PYGO1: variants seen among roughly 807,000 people sequenced by gnomAD.
PYGO1 encodes the protein pygopus family PHD finger 1, also known as pygopus homolog 1.
Under a neutral mutation model 29.5 loss-of-function variants are expected in PYGO1, and 6 were observed. That is an observed-to-expected ratio of 0.20 (90% confidence interval 0.11 to 0.40). The LOEUF is 0.40. Among genes scored for constraint, PYGO1 ranks in the 10% least tolerant of loss-of-function variants. The pLI, the probability that PYGO1 is intolerant of heterozygous loss-of-function variation, is 1.00. For missense variants in PYGO1, 515 were observed against 514.9 expected, an observed-to-expected ratio of 1.00 and a Z score of 0.00; for synonymous variants, 186 against 180.5, an observed-to-expected ratio of 1.03 and a Z score of -0.24.
intron 1 of PYGO1, among the ~76,000 whole-genome samples, chr15:55,584,468 A>G (rs2059038607): frequency 6.6e-6 from 1 of 152,186 alleles, no homozygotes; most frequent in African/African-American, 2.4e-5. Context: ...TGCTCTATAA[A>G]TATTTGTTGA....
At chr15:55,550,395 C>T (rs2058873664) in intron 1 of PYGO1, among the ~76,000 whole-genome samples, 1 of 152,190 alleles carries the variant, frequency 6.6e-6, no homozygotes, top group South Asian at 2.1e-4. Context: ...ATTTCTGCCC[C>T]TCCTGTCTGC....
intron 1 of PYGO1, among the ~76,000 whole-genome samples, chr15:55,573,838 A>G (rs1449592740): frequency 2.0e-5 from 3 of 152,234 alleles, no homozygotes; most frequent in Admixed American, 2.0e-4. Flanking sequence ...TGTTCTTACA[A>G]TAAAGTAGGC....
Position 55,546,606 on chromosome 15 carries a change from G to T in PYGO1, c.677C>A (p.Pro226Gln), listed in dbSNP as rs750231673. The T allele has an allele frequency of 9.9e-6, 16 of 1,613,688 alleles. No homozygotes were observed. The highest frequency in any genetic ancestry group is 1.4e-5 in the Non-Finnish European group (16 of 1,179,890). Reference protein sequence around the residue: ...LESNHSFIPPPNTFGQAKAPP... With the variant: ...LESNHSFIPPQNTFGQAKAPP... The stretch of plus-strand genomic sequence containing the variant: ...TGCTTTTGCTTGACCAAAAGTGTTT[G>T]GGGGAGGAATAAAAGAATGATTAGA... The change falls in exon 3 of 3, where the codon CCA (proline) becomes CAA (glutamine). Residue 226 changes from proline (P) to glutamine (Q), a missense_variant. Pro to Gln is a moderately conservative substitution (Grantham distance 76, BLOSUM62 -1). Coordinates refer to ENST00000563719, the MANE Select transcript of PYGO1 (RefSeq NM_001367806.1).
intron 1 of PYGO1, among the ~76,000 whole-genome samples, chr15:55,568,298 GTTAAGACGTATTTCC>G (rs780037359): frequency 5.4e-4 from 78 of 143,748 alleles, no homozygotes; most frequent in Middle Eastern, 3.8e-3. Context: ...CACCTCAATG[GTTAAGACGTATTTCC>G]TAGGTACTGT....
rs1186782516 is a variant in PYGO1 at position 55,539,306 on chromosome 15, G to C, written c.*6717C>G. 6.6e-6 allele frequency: 1 copy of C among 152,028 alleles called. No homozygotes were observed. The highest frequency in any genetic ancestry group is 2.4e-5 in the African/African-American group (1 of 41,414). 9.4% of individuals were successfully genotyped at this position (152,028 alleles called of 1,614,324 possible). A position where few individuals can be genotyped will look rare whatever the true frequency, so the allele number is the denominator to read the frequency against. On this transcript the variant is annotated 3_prime_UTR_variant, in exon 3 of 3. Coordinates refer to ENST00000563719, the MANE Select transcript of PYGO1 (RefSeq NM_001367806.1). ...CCATTATTTAAGTAGTTACTATGAA[G>C]TAATTCAGAATTGAGAATGTATTTA...
chr15:55,576,722 C>T (rs1433056379), intron 1 of PYGO1, among the ~76,000 whole-genome samples: 2 of 130,810 alleles, frequency 1.5e-5, no homozygotes, highest in African/African-American at 6.4e-5. Flanking sequence ...AGTGAGCCGC[C>T]GAGATTGTGC....
chr15:55,565,482 CT>C (rs1160897313), intron 1 of PYGO1, among the ~76,000 whole-genome samples: 1 of 151,850 alleles, frequency 6.6e-6, no homozygotes, highest in African/African-American at 2.4e-5. Context: ...GGCGGGCAGA[CT>C]ACCTGAGGTC....
chr15:55,586,490 G>C (rs542335220), intron 1 of PYGO1, among the ~76,000 whole-genome samples: 1 of 152,280 alleles, frequency 6.6e-6, no homozygotes, highest in Admixed American at 6.5e-5. Flanking sequence ...CTATTAAAAT[G>C]CTATAATTTA....
chr15:55,547,918 T>G (rs1397928964), intron 2 of PYGO1, among the ~76,000 whole-genome samples: 1 of 152,248 alleles, frequency 6.6e-6, no homozygotes, highest in African/African-American at 2.4e-5. Context: ...GAACAATTAT[T>G]TCAGGTTAAA....
intron 1 of PYGO1, among the ~76,000 whole-genome samples, chr15:55,579,627 T>C (rs768659388): frequency 3.9e-5 from 6 of 152,128 alleles, no homozygotes; most frequent in Non-Finnish European, 7.3e-5. Flanking sequence ...GCAATCTTAC[T>C]ACTTCAGCCT....
At position 55,542,495 on chromosome 15, in the gene PYGO1, CTCTG is replaced by C. The variant is rs973701941; in HGVS notation, c.*3524_*3527del. 4.6e-5 allele frequency: 7 copies of C among 152,226 alleles called. No homozygotes were observed. The highest frequency in any genetic ancestry group is 3.3e-4 in the Admixed American group (5 of 15,282). 9.4% of individuals were successfully genotyped at this position (152,226 alleles called of 1,614,324 possible). Reference sequence around the variant, plus strand: ...CTGATCACAAATCTAATTCTAAGCACTCTGTCTGAAGAACAATTTATCTTTCACA... The same window carrying C: ...CTGATCACAAATCTAATTCTAAGCACTCTGAAGAACAATTTATCTTTCACA... On this transcript the variant is annotated 3_prime_UTR_variant, in exon 3 of 3. Coordinates refer to ENST00000563719, the MANE Select transcript of PYGO1 (RefSeq NM_001367806.1).
chr15:55,578,068 C>T (rs1217597187), intron 1 of PYGO1, among the ~76,000 whole-genome samples: 1 of 152,174 alleles, frequency 6.6e-6, no homozygotes, highest in East Asian at 1.9e-4. Flanking sequence ...CTATTCCAGA[C>T]ATTTCACATA....
Position 55,547,108 on chromosome 15 carries a change from G to C in PYGO1, c.175C>G (p.Pro59Ala). The C allele has an allele frequency of 6.2e-7, 1 of 1,610,258 alleles. No homozygotes were observed. Among genetic ancestry groups the C allele is most frequent in the Non-Finnish European group, 8.5e-7 (1 of 1,178,748 alleles). ...FPPLSEYAPP[P>A]NPNSDHLVAA... The stretch of plus-strand genomic sequence containing the variant: ...ACTAGATGGTCAGAGTTTGGATTCG[G>C]TGGTGGAGCATACTCAGACAATGGA... Residue 59 changes from proline to alanine, a missense_variant, in exon 3 of 3, where the codon CCG (proline) becomes GCG (alanine). Transcript: ENST00000563719.
chr15:55,555,100 C>T (rs969474576), intron 1 of PYGO1, among the ~76,000 whole-genome samples: 1 of 151,994 alleles, frequency 6.6e-6, no homozygotes, highest in East Asian at 1.9e-4. Flanking sequence ...ATGTTATGGG[C>T]TGCCAGAGAG....
intron 1 of PYGO1, among the ~76,000 whole-genome samples, chr15:55,558,643 A>C (rs2141656659): frequency 6.6e-6 from 1 of 152,044 alleles, no homozygotes; most frequent in East Asian, 1.9e-4. Flanking sequence ...CTGGTACCAA[A>C]ACAGAGATAT....
intron 1 of PYGO1, among the ~76,000 whole-genome samples, chr15:55,571,110 T>C (rs1287610146): frequency 6.6e-6 from 1 of 152,110 alleles, no homozygotes; most frequent in Non-Finnish European, 1.5e-5. Context: ...AGTAGAATCA[T>C]CCAGTACTTG....
At chr15:55,547,364 G>T (rs1010237089) in intron 2 of PYGO1, among the ~76,000 whole-genome samples, 1 of 152,020 alleles carries the variant, frequency 6.6e-6, no homozygotes, top group African/African-American at 2.4e-5. Flanking sequence ...ATTTCCAAAA[G>T]AAAATAAAGT....
At chr15:55,587,618 A>C (rs1379503941) in intron 1 of PYGO1, among the ~76,000 whole-genome samples, 1 of 151,692 alleles carries the variant, frequency 6.6e-6, no homozygotes, top group Non-Finnish European at 1.5e-5. Flanking sequence ...CTCCGAACAC[A>C]AAGTCGGGAG....
At position 55,543,382 on chromosome 15, in the gene PYGO1, C is replaced by T. The variant is rs570095113; in HGVS notation, c.*2641G>A. ...AGGAAAATTAATTCAAACACATGAA[C>T]GCTATTCATCAGCTATGATTACAGT... On this transcript the variant is annotated 3_prime_UTR_variant, in exon 3 of 3. Coordinates refer to ENST00000563719, the MANE Select transcript of PYGO1 (RefSeq NM_001367806.1). 3 of 152,176 alleles carry T rather than the reference C, an allele frequency of 2.0e-5. No individual in the cohort carries two copies. Among genetic ancestry groups the T allele is most frequent in the South Asian group, 2.1e-4 (1 of 4,816 alleles). 9.4% of individuals were successfully genotyped at this position (152,176 alleles called of 1,614,324 possible).
Sources: allele counts gnomAD v4.1 joint callset (sites outside exome capture counted in the v4.1 genomes callset), GRCh38; gene constraint gnomAD v4.1.1; transcripts MANE v1.5; gene names NCBI Gene and HGNC (gene_info 2026-07-23, HGNC 2026-07-21).